Variants in NRG1 observed in about 807,000 individuals in gnomAD.
NRG1 encodes the protein neuregulin 1, also known as pro-neuregulin-1, membrane-bound isoform.
A neutral mutation model predicts 63.8 loss-of-function variants in NRG1; 18 were observed. The ratio of observed to expected loss-of-function variants is 0.28; its 90% CI spans 0.19 to 0.42. The LOEUF is 0.42. Among genes scored for constraint, NRG1 ranks in the 10% least tolerant of loss-of-function variants. The pLI is 1.00. For missense variants in NRG1, 762 were observed against 814.7 expected (o/e 0.94, Z 0.79); for synonymous variants, 302 against 301.3 (o/e 1.00, Z -0.02).
intron 1 of NRG1, among the ~76,000 whole-genome samples, chr8:32,272,971 C>G (rs932232440): frequency 4.6e-5 from 7 of 152,104 alleles, no homozygotes; most frequent in Non-Finnish European, 1.0e-4. Context: ...AGGGCTGGAG[C>G]GTTGTTTTTT....
At chr8:31,742,283 A>G (rs1429811689) in intron 1 of NRG1, among the ~76,000 whole-genome samples, 1 of 151,884 alleles carries the variant, frequency 6.6e-6, no homozygotes, top group African/African-American at 2.4e-5. Context: ...AGGTCATGCT[A>G]TCTACAAATG....
chr8:32,584,473 A>G (rs912209368), intron 1 of NRG1, among the ~76,000 whole-genome samples: 3 of 152,214 alleles, frequency 2.0e-5, no homozygotes, highest in Admixed American at 6.5e-5. Context: ...TTGCTTACTT[A>G]AAACTGTAGT....
At chr8:32,415,755 T>C (rs981881355) in intron 1 of NRG1, among the ~76,000 whole-genome samples, 2 of 152,226 alleles carry the variant, frequency 1.3e-5, no homozygotes, top group African/African-American at 4.8e-5. Context: ...CCTCCTTCCC[T>C]ATGCCCTTTT....
rs111809866 is a variant in NRG1, at chr8:32,676,778, G to A, written c.503-51171G>A. ...AGTCAGTGCAGTCATCCCAGTTCCT[G>A]CAACGTGGTACTGATAGGAGGAACA... is the stretch of plus-strand genomic sequence containing the variant. On this transcript the variant is annotated intron_variant, in intron 5 of 11. Transcript: ENST00000356819. Among the ~76,000 whole-genome samples the A allele has an allele frequency of 5.9e-5, 9 of 152,238 alleles. 1 individual carries two copies. The highest frequency in any genetic ancestry group is 2.2e-4 in the African/African-American group (9 of 41,530).
intron 1 of NRG1, among the ~76,000 whole-genome samples, chr8:32,117,239 A>C (rs1043124024): frequency 7.9e-5 from 12 of 152,132 alleles, no homozygotes; most frequent in African/African-American, 2.4e-4. Context: ...ATCTATGAGA[A>C]TGTTTCAAAG....
chr8:32,431,748 T>C (rs1331588679), intron 1 of NRG1, among the ~76,000 whole-genome samples: 2 of 152,110 alleles, frequency 1.3e-5, no homozygotes, highest in African/African-American at 4.8e-5. Flanking sequence ...GGTTTTTTTT[T>C]TCTGAGGGAA....
At chr8:32,246,310 T>C (rs1848588494) in intron 1 of NRG1, among the ~76,000 whole-genome samples, 1 of 152,182 alleles carries the variant, frequency 6.6e-6, no homozygotes, top group Non-Finnish European at 1.5e-5. Context: ...AAACAAAAGC[T>C]ACAGTCATTC....
chr8:32,502,167 G>A (rs969684300), intron 1 of NRG1, among the ~76,000 whole-genome samples: 2 of 151,928 alleles, frequency 1.3e-5, no homozygotes, highest in African/African-American at 4.8e-5. Flanking sequence ...GGAGGCATCG[G>A]GAAGCCTCCA....
chr8:32,608,195 T>C (rs1228257727), intron 3 of NRG1, among the ~76,000 whole-genome samples: 1 of 151,582 alleles, frequency 6.6e-6, no homozygotes, highest in Non-Finnish European at 1.5e-5. Flanking sequence ...TTTTTGTTTT[T>C]TGAGACAGGG....
In NRG1 at chr8:31,956,572, C is replaced by T. The variant is rs192789667; in HGVS notation, c.37+317141C>T. ...CCAGGAGGCGGAGCTTGCAGTGAGC[C>T]GAGATCGTGCCACTGCACTCCAGTC... is the stretch of plus-strand genomic sequence containing the variant. On this transcript the variant is annotated intron_variant, in intron 1 of 10. Transcript: ENST00000519301. 5.3e-5 allele frequency among the ~76,000 whole-genome samples: 8 copies of T among 152,126 alleles called. No individual in the cohort carries two copies. The East Asian group carries it at 1.2e-3, about 22-fold the overall frequency.
intron 1 of NRG1, among the ~76,000 whole-genome samples, chr8:32,310,745 C>T (rs1045471427): frequency 3.3e-5 from 5 of 152,162 alleles, no homozygotes; most frequent in South Asian, 2.1e-4. Flanking sequence ...TCACTTTAAA[C>T]CACTTCACCT....
At chr8:32,710,521 T>G (rs770003157) in intron 5 of NRG1, among the ~76,000 whole-genome samples, 13 of 152,228 alleles carry the variant, frequency 8.5e-5, no homozygotes, top group Non-Finnish European at 1.8e-4. Flanking sequence ...TATTTGTATG[T>G]GCATTTTTAT....
At chr8:32,132,291 T>A (rs1563823184) in intron 1 of NRG1, among the ~76,000 whole-genome samples, 1 of 152,126 alleles carries the variant, frequency 6.6e-6, no homozygotes, top group South Asian at 2.1e-4. Flanking sequence ...GACATTCTGA[T>A]GTCATAAAAA....
chr8:31,984,114 A>T (rs1308180964), intron 1 of NRG1, among the ~76,000 whole-genome samples: 1 of 152,126 alleles, frequency 6.6e-6, no homozygotes, highest in Non-Finnish European at 1.5e-5. Context: ...CTCATAGTGG[A>T]TATTTCCCTC....
At chr8:31,686,036 A>T (rs1808857549) in intron 1 of NRG1, among the ~76,000 whole-genome samples, 1 of 152,158 alleles carries the variant, frequency 6.6e-6, no homozygotes, top group Non-Finnish European at 1.5e-5. Context: ...CTGGGTAACA[A>T]TACTTAATAC....
At position 31,916,595 on chromosome 8, in the gene NRG1, A is replaced by G. The variant is rs544073705; in HGVS notation, c.37+277164A>G. ...TATAGGTGCCACATTTTCTTAATCC[A>G]GTCTATCATTGTTGGACATTTGGGT... On this transcript the variant is annotated intron_variant, in intron 1 of 10. Transcript: ENST00000519301. 2.4e-4 allele frequency among the ~76,000 whole-genome samples: 36 copies of G among 152,294 alleles called. 1 individual carries two copies. The South Asian group carries it at 7.1e-3, about 30-fold the overall frequency.
intron 1 of NRG1, among the ~76,000 whole-genome samples, chr8:32,557,258 C>T (rs1027222080): frequency 3.3e-5 from 5 of 152,140 alleles, no homozygotes; most frequent in African/African-American, 9.7e-5. Flanking sequence ...TAACCCACCT[C>T]GGCCTCCCAA....
At chr8:32,185,341 C>T (rs562186333) in intron 1 of NRG1, among the ~76,000 whole-genome samples, 5 of 152,070 alleles carry the variant, frequency 3.3e-5, no homozygotes, top group Admixed American at 6.6e-5. Flanking sequence ...TTAATATTAC[C>T]GTTATTACCT....
chr8:31,851,261 A>G (rs1415436434), intron 1 of NRG1, among the ~76,000 whole-genome samples: 1 of 152,180 alleles, frequency 6.6e-6, no homozygotes, highest in East Asian at 1.9e-4. Context: ...GTGTCTTGGG[A>G]GTAGCCTTAG....
Sources: gnomAD v4.1 joint callset for allele counts (sites outside exome capture counted in the v4.1 genomes callset) on GRCh38, gnomAD v4.1.1 for gene constraint, MANE v1.5 for transcripts, NCBI Gene and HGNC (gene_info 2026-07-23, HGNC 2026-07-21) for gene names.